Variants in KCNJ6 observed in about 807,000 individuals in gnomAD.
KCNJ6 encodes potassium inwardly rectifying channel subfamily J member 6, also known as G protein-activated inward rectifier potassium channel 2.
Under a neutral mutation model 34.2 loss-of-function variants are expected in KCNJ6, and 9 were observed. The ratio of observed to expected loss-of-function variants is 0.26; its 90% confidence interval spans 0.16 to 0.46. KCNJ6 has a LOEUF of 0.46. KCNJ6 is among the 20% of genes least tolerant of loss of function. KCNJ6 has a pLI of 1.00. For missense variants in KCNJ6, 236 were observed against 531.3 expected (o/e 0.44, Z 5.46); for synonymous variants, 196 against 207.1 (o/e 0.95, Z 0.46).
chr21:37,868,000 G>A (rs190460403), intron 1 of KCNJ6, among the ~76,000 whole-genome samples: 5 of 152,318 alleles, frequency 3.3e-5, no homozygotes, highest in African/African-American at 1.2e-4. Flanking sequence ...TAGTTCTTGT[G>A]TGGATGGAAA....
intron 2 of KCNJ6, among the ~76,000 whole-genome samples, chr21:37,786,822 A>G (rs1025878891): frequency 1.3e-5 from 2 of 152,202 alleles, no homozygotes; most frequent in Non-Finnish European, 2.9e-5. Context: ...ACCTGACCAG[A>G]TACATAAAGT....
At chr21:37,785,645 C>A (rs1337180832) in intron 2 of KCNJ6, among the ~76,000 whole-genome samples, 1 of 152,190 alleles carries the variant, frequency 6.6e-6, no homozygotes, top group Non-Finnish European at 1.5e-5. Flanking sequence ...AATATTATTT[C>A]TTCTAATCTC....
At chr21:37,677,520 C>A (rs1347783183) in intron 3 of KCNJ6, among the ~76,000 whole-genome samples, 1 of 151,934 alleles carries the variant, frequency 6.6e-6, no homozygotes, top group African/African-American at 2.4e-5. Context: ...TTCTTCCTCC[C>A]TTTTTGTTGT....
At position 37,650,775 on chromosome 21, in the gene KCNJ6, G is replaced by C. The variant is rs187138693; in HGVS notation, c.947-25291C>G. Among the ~76,000 whole-genome samples the C allele has an allele frequency of 1.5e-3, 231 of 152,304 alleles. 1 individual carries two copies. Among genetic ancestry groups the C allele is most frequent in the Non-Finnish European group, 2.7e-3 (182 of 68,026 alleles). ...TAAGTCTTCCTTCCCCAACTAGGCT[G>C]TCAGTCTCTGGCGTTTAGTAAATAT... is the stretch of plus-strand genomic sequence containing the variant. On this transcript the variant is annotated intron_variant, in intron 3 of 3. Transcript: ENST00000609713.
chr21:37,676,239 G>T (rs1199436498), intron 3 of KCNJ6, among the ~76,000 whole-genome samples: 1 of 152,224 alleles, frequency 6.6e-6, no homozygotes, highest in African/African-American at 2.4e-5. Context: ...TGGAGAGGAA[G>T]GGTACAGGGG....
At chr21:37,858,113 C>T (rs1316105886) in intron 1 of KCNJ6, among the ~76,000 whole-genome samples, 1 of 151,924 alleles carries the variant, frequency 6.6e-6, no homozygotes, top group Non-Finnish European at 1.5e-5. Flanking sequence ...TCAGATTGGC[C>T]AGGTACGGTG....
chr21:37,739,759 T>C (rs1461716274), intron 2 of KCNJ6, among the ~76,000 whole-genome samples: 1 of 151,698 alleles, frequency 6.6e-6, no homozygotes, highest in Non-Finnish European at 1.5e-5. Context: ...CATGATGGGG[T>C]GAGGAGGGAG....
intron 2 of KCNJ6, among the ~76,000 whole-genome samples, chr21:37,778,232 G>A (rs2055151685): frequency 6.6e-6 from 1 of 152,118 alleles, no homozygotes; most frequent in Non-Finnish European, 1.5e-5. Flanking sequence ...TTCTTACCAT[G>A]TAAAAGATCC....
chr21:37,693,435 T>C (rs1201461211), intron 3 of KCNJ6, among the ~76,000 whole-genome samples: 1 of 152,158 alleles, frequency 6.6e-6, no homozygotes. Context: ...GACAGAATCC[T>C]GGAGGAGAAC....
At chr21:37,872,240 A>C (rs2055656038) in intron 1 of KCNJ6, among the ~76,000 whole-genome samples, 1 of 152,236 alleles carries the variant, frequency 6.6e-6, no homozygotes, top group Non-Finnish European at 1.5e-5. Flanking sequence ...GAATGAGTAT[A>C]TCTATCAGGA....
chr21:37,657,123 A>C (rs910332746), intron 3 of KCNJ6, among the ~76,000 whole-genome samples: 1 of 151,988 alleles, frequency 6.6e-6, no homozygotes, highest in Non-Finnish European at 1.5e-5. Context: ...GGACCAGTCC[A>C]CCCAGAACCC....
chr21:37,852,001 T>A (rs2055540198), intron 1 of KCNJ6, among the ~76,000 whole-genome samples: 1 of 152,192 alleles, frequency 6.6e-6, no homozygotes, highest in Admixed American at 6.5e-5. Flanking sequence ...AAGCTTGAAT[T>A]CTTTAGCCAA....
At position 37,732,944 on chromosome 21, in the gene KCNJ6, G is replaced by T. The variant is rs552507150; in HGVS notation, c.26-17813C>A. On this transcript the variant is annotated intron_variant, in intron 2 of 3. Coordinates refer to ENST00000609713, the MANE Select transcript of KCNJ6 (RefSeq NM_002240.5). ...TCCACCTGGTACCAGCAAGAAAAGGGGGGGCTGGCAAGCAAGCATTCAAGG... is the reference window on the plus strand; with the variant it reads ...TCCACCTGGTACCAGCAAGAAAAGGTGGGGCTGGCAAGCAAGCATTCAAGG... Among the ~76,000 whole-genome samples, 6 of 152,248 alleles carry T rather than the reference G, an allele frequency of 3.9e-5. No individual in the cohort carries two copies. In the South Asian group the frequency reaches 1.2e-3, roughly 32 times the overall value.
intron 1 of KCNJ6, among the ~76,000 whole-genome samples, chr21:37,915,455 T>C (rs1217009064): frequency 1.3e-5 from 2 of 152,188 alleles, no homozygotes; most frequent in Non-Finnish European, 2.9e-5. Context: ...CTCCTCTCCA[T>C]GCAAAGCAGA....
At chr21:37,826,605 A>G (rs527960076) in intron 2 of KCNJ6, among the ~76,000 whole-genome samples, 151 of 135,904 alleles carry the variant, frequency 1.1e-3, no homozygotes, top group African/African-American at 4.7e-3. Context: ...GTTATTTCCA[A>G]TTTATTAAAA....
chr21:37,626,812 A>T (rs1366788026), intron 3 of KCNJ6, among the ~76,000 whole-genome samples: 1 of 152,254 alleles, frequency 6.6e-6, no homozygotes, highest in Admixed American at 6.5e-5. Flanking sequence ...TAAAATCAGA[A>T]AAAGATAAAC....
At chr21:37,634,936 T>C (rs926358777) in intron 3 of KCNJ6, among the ~76,000 whole-genome samples, 2 of 152,060 alleles carry the variant, frequency 1.3e-5, no homozygotes, top group Non-Finnish European at 2.9e-5. Flanking sequence ...TTTTGTATTT[T>C]TTGTAGAGAT....
intron 1 of KCNJ6, among the ~76,000 whole-genome samples, chr21:37,890,094 C>A (rs1050263992): frequency 3.9e-5 from 6 of 152,074 alleles, no homozygotes; most frequent in Non-Finnish European, 7.4e-5. Flanking sequence ...AAGACATACC[C>A]GAAACTGGGT....
At chr21:37,692,020 T>C (rs2054642169) in intron 3 of KCNJ6, among the ~76,000 whole-genome samples, 1 of 152,170 alleles carries the variant, frequency 6.6e-6, no homozygotes, top group African/African-American at 2.4e-5. Flanking sequence ...CACTTAGTCA[T>C]TTGGGGTTTG....
Sources: gnomAD v4.1 joint callset for allele counts (sites outside exome capture counted in the v4.1 genomes callset) on GRCh38, gnomAD v4.1.1 for gene constraint, MANE v1.5 for transcripts, NCBI Gene and HGNC (gene_info 2026-07-23, HGNC 2026-07-21) for gene names.